GSG1L2: variants seen among roughly 807,000 people sequenced by gnomAD.
GSG1L2 encodes the protein germ cell-specific gene 1-like protein 2.
GSG1L2 carries 15 observed loss-of-function variants against 9.0 expected under a neutral mutation model. The observed-to-expected ratio is 1.67, with a 90% CI of 1.12 to 2.57. The LOEUF (loss-of-function observed/expected upper bound fraction) is 2.57, where lower values mean the gene tolerates loss of function less well. Among genes scored for constraint, GSG1L2 ranks in the 30% most tolerant of loss-of-function variants. GSG1L2 has a pLI of 0.00. For missense variants in GSG1L2, 286 were observed against 150.3 expected (o/e 1.90, Z -4.72); for synonymous variants, 127 against 57.9 (o/e 2.19, Z -5.41).
intron 1 of GSG1L2, among the ~76,000 whole-genome samples, chr17:9,815,331 A>G (rs1353037271): frequency 6.6e-6 from 1 of 152,244 alleles, no homozygotes; most frequent in Non-Finnish European, 1.5e-5. Context: ...CAGGGGTTGC[A>G]GTGAGGCAAG....
chr17:9,821,458 A>G (rs1327932752), intron 1 of GSG1L2, among the ~76,000 whole-genome samples: 1 of 152,232 alleles, frequency 6.6e-6, no homozygotes, highest in Non-Finnish European at 1.5e-5. Flanking sequence ...GCCCTGTTGC[A>G]AGCTCTGTAT....
At chr17:9,815,874 A>C in intron 1 of GSG1L2, among the ~76,000 whole-genome samples, 1 of 152,180 alleles carries the variant, frequency 6.6e-6, no homozygotes, top group East Asian at 1.9e-4. Context: ...GGGAGCTTTA[A>C]GAGATGCTCG....
intron 4 of GSG1L2, chr17:9,805,730 G>A (rs951972460): frequency 6.6e-6 from 1 of 152,178 alleles, no homozygotes; most frequent in Non-Finnish European, 1.5e-5. Context: ...ACTGCAACGA[G>A]CCTGGAACAG....
intron 1 of GSG1L2, among the ~76,000 whole-genome samples, chr17:9,815,315 C>T (rs573517410): frequency 3.4e-4 from 52 of 152,142 alleles, no homozygotes; most frequent in Admixed American, 2.8e-3. Flanking sequence ...GCTTGAACCC[C>T]GGAGGCAGGG....
At chr17:9,802,951 T>C (rs1406335263) in intron 4 of GSG1L2, among the ~76,000 whole-genome samples, 2 of 152,140 alleles carry the variant, frequency 1.3e-5, no homozygotes, top group African/African-American at 2.4e-5. Context: ...GCTGGAATAA[T>C]ATTAATGCTG....
At chr17:9,819,859 C>T (rs997095467) in intron 1 of GSG1L2, among the ~76,000 whole-genome samples, 11 of 151,996 alleles carry the variant, frequency 7.2e-5, no homozygotes, top group East Asian at 3.9e-4. Context: ...GTGATCTGCC[C>T]GCCTCAGCCT....
In GSG1L2 at chr17:9,820,916, G is replaced by C. The variant is rs1813765044; in HGVS notation, c.310+846C>G. ...GGTCTCAAGTGATTCTCCTGTCTCA[G>C]CTTCCCAAAGTGCTAGGATTATAGG... is the stretch of plus-strand genomic sequence containing the variant. On this transcript the variant is annotated intron_variant, in intron 1 of 4. Transcript: ENST00000399363. This position sits in a 1 kb window ranked among gnomAD's most constrained non-coding sequence, Gnocchi z 4.9. Among the ~76,000 whole-genome samples, 1 of 152,170 alleles carries C rather than the reference G, an allele frequency of 6.6e-6. No homozygotes were observed. Among genetic ancestry groups the C allele is most frequent in the Non-Finnish European group, 1.5e-5 (1 of 68,032 alleles).
intron 4 of GSG1L2, among the ~76,000 whole-genome samples, chr17:9,806,675 C>T (rs1249601646): frequency 6.6e-6 from 1 of 152,244 alleles, no homozygotes; most frequent in Non-Finnish European, 1.5e-5. Flanking sequence ...TGCAACTACA[C>T]TCTCAACTGT....
chr17:9,809,482 G>A (rs965099853), intron 2 of GSG1L2: 2 of 155,404 alleles, frequency 1.3e-5, no homozygotes, highest in Admixed American at 1.3e-4. Context: ...CTGAGAGGGT[G>A]GCTGTGGCGG....
chr17:9,815,773 C>G (rs572053332), intron 1 of GSG1L2, among the ~76,000 whole-genome samples: 1 of 152,192 alleles, frequency 6.6e-6, no homozygotes, highest in South Asian at 2.1e-4. Flanking sequence ...AATATAGTTG[C>G]ATAGAAGTCA....
intron 4 of GSG1L2, among the ~76,000 whole-genome samples, chr17:9,803,474 C>T (rs575836796): frequency 2.0e-5 from 3 of 152,312 alleles, no homozygotes; most frequent in Admixed American, 6.5e-5. Context: ...CTACACTTTT[C>T]ATCCTTCAAA....
At position 9,812,696 on chromosome 17, in the gene GSG1L2, C is replaced by T. The variant is rs1210349241; in HGVS notation, c.311-2078G>A. Among the ~76,000 whole-genome samples, 4 of 152,246 alleles carry T rather than the reference C, an allele frequency of 2.6e-5. No homozygotes were observed. The East Asian group carries it at 7.7e-4, about 29-fold the overall frequency. ...CTGGAGTGCAGTGGATCATGGCTCA[C>T]TGCAGCCAAAATCTCCTGGGCTCAA... On this transcript the variant is annotated intron_variant, in intron 1 of 4. Transcript: ENST00000399363.
Position 9,802,864 on chromosome 17 carries a change from G to A in GSG1L2, c.624-220C>T, listed in dbSNP as rs1006805917. Among the ~76,000 whole-genome samples the A allele has an allele frequency of 2.8e-4, 42 of 152,210 alleles. 1 individual carries two copies. The highest frequency in any genetic ancestry group is 9.6e-4 in the African/African-American group (40 of 41,548). ...GGAGTCACTGTGCTGGCTTTGCATC[G>A]TGGCCCCACCTTGTATTAACCATGT... On this transcript the variant is annotated intron_variant, in intron 4 of 4. Coordinates refer to ENST00000399363, the MANE Select transcript of GSG1L2 (RefSeq NM_001310219.2).
chr17:9,807,609 A>G lies in GSG1L2; in HGVS notation c.512-8T>C, dbSNP rs1345686915. 1.4e-6 allele frequency: 1 copy of G among 703,314 alleles called. No homozygotes were observed. Among genetic ancestry groups the G allele is most frequent in the Non-Finnish European group, 2.6e-6 (1 of 385,036 alleles). 43.6% of individuals were successfully genotyped at this position (703,314 alleles called of 1,614,324 possible). ...CCACCATGCCTAGAAGCCCTGCGCA[A>G]GGAAAGCTCTGTGAGTCACAGCTAA... On this transcript the variant is annotated splice_region_variant and splice_polypyrimidine_tract_variant and intron_variant, in intron 3 of 4. Transcript: ENST00000399363.
chr17:9,817,797 A>G (rs570137921), intron 1 of GSG1L2, among the ~76,000 whole-genome samples: 1 of 152,066 alleles, frequency 6.6e-6, no homozygotes, highest in African/African-American at 2.4e-5. Context: ...CTTATGTTGC[A>G]GGGAAGGAGA....
At chr17:9,821,373 G>A (rs76557897) in intron 1 of GSG1L2, among the ~76,000 whole-genome samples, 2,406 of 152,062 alleles carry the variant, frequency 0.016, 53 homozygotes, top group East Asian at 0.067. Flanking sequence ...CATTCCCAAA[G>A]GATTTTAAAT....
intron 2 of GSG1L2, chr17:9,809,777 T>C (rs1374438016): frequency 6.6e-6 from 1 of 152,304 alleles, no homozygotes; most frequent in Non-Finnish European, 1.5e-5. Context: ...AACTCCCCAC[T>C]TGACCCAGGA....
chr17:9,810,338 G>A lies in GSG1L2; in HGVS notation c.358+233C>T, dbSNP rs561894938. On this transcript the variant is annotated intron_variant, in intron 2 of 4. Coordinates refer to ENST00000399363, the MANE Select transcript of GSG1L2 (RefSeq NM_001310219.2). ...ATATTTACACCATGGAACACGGCCAGTGCTGCCAATCAGGGCTTCCCATCC... is the reference window on the plus strand; with the variant it reads ...ATATTTACACCATGGAACACGGCCAATGCTGCCAATCAGGGCTTCCCATCC... The A allele has an allele frequency of 1.0e-5, 6 of 578,218 alleles. No individual in the cohort carries two copies. In the East Asian group the frequency reaches 1.7e-4, roughly 16 times the overall value. 35.8% of individuals were successfully genotyped at this position (578,218 alleles called of 1,614,324 possible). A position where few individuals can be genotyped will look rare whatever the true frequency, so the allele number is the denominator to read the frequency against.
rs149068865 is a variant in GSG1L2 at position 9,818,141 on chromosome 17, T to G, written c.310+3621A>C. Among the ~76,000 whole-genome samples the G allele has an allele frequency of 3.6e-3, 549 of 152,260 alleles. 5 individuals carry two copies. Among genetic ancestry groups the G allele is most frequent in the African/African-American group, 0.012 (515 of 41,540 alleles). ...TGGGTAGTTTATAAAGAAAAAACTT[T>G]TAATTGGCTCACGGTTCTGCTGGCT... On this transcript the variant is annotated intron_variant, in intron 1 of 4. Transcript: ENST00000399363.
Sources: gnomAD v4.1 joint callset for allele counts (sites outside exome capture counted in the v4.1 genomes callset) on GRCh38, gnomAD v4.1.1 for gene constraint, Gnocchi (gnomAD v3.1) non-coding constraint, MANE v1.5 for transcripts, NCBI Gene and HGNC (gene_info 2026-07-23, HGNC 2026-07-21) for gene names.